Variants in TYR observed in about 807,000 individuals in gnomAD.
TYR encodes the protein LB24-AB.
TYR carries 58 observed loss-of-function variants against 51.5 expected under a neutral mutation model. The ratio of observed to expected loss-of-function variants is 1.13; its 90% CI spans 0.91 to 1.40. The LOEUF is 1.40. TYR is among the 40% of genes most tolerant of loss of function. The pLI is 0.00. For synonymous variants in TYR, 263 were observed against 235.2 expected (o/e 1.12, Z -1.08); for missense variants, 732 against 647.4 (o/e 1.13, Z -1.42).
chr11:89,221,545 T>G (rs1362212456), intron 2 of TYR, among the ~76,000 whole-genome samples: 1 of 152,200 alleles, frequency 6.6e-6, no homozygotes. Flanking sequence ...CTGTATTTCT[T>G]CTGTAAGTAG....
chr11:89,272,147 A>G (rs1185576614), intron 3 of TYR, among the ~76,000 whole-genome samples: 2 of 151,904 alleles, frequency 1.3e-5, no homozygotes, highest in Non-Finnish European at 2.9e-5. Flanking sequence ...TAAATAGTTA[A>G]TCCCTTCCAA....
intron 2 of TYR, among the ~76,000 whole-genome samples, chr11:89,215,516 T>A (rs142233771): frequency 0.012 from 1,714 of 143,922 alleles, 30 homozygotes; most frequent in African/African-American, 0.046. Context: ...ACTTAAAGTA[T>A]AATAATAGTA....
chr11:89,289,718 TGAAA>T (rs1944834949), intron 4 of TYR, among the ~76,000 whole-genome samples: 1 of 151,902 alleles, frequency 6.6e-6, no homozygotes, highest in Non-Finnish European at 1.5e-5. Context: ...GTGACAAGCT[TGAAA>T]AATAAGACAT....
At chr11:89,222,938 C>T (rs896262419) in intron 2 of TYR, among the ~76,000 whole-genome samples, 3 of 152,064 alleles carry the variant, frequency 2.0e-5, no homozygotes, top group Admixed American at 6.5e-5. Flanking sequence ...ATGAGGAATT[C>T]GTGGACAAGG....
chr11:89,289,156 T>C (rs1423343221), intron 4 of TYR, among the ~76,000 whole-genome samples: 1 of 152,052 alleles, frequency 6.6e-6, no homozygotes, highest in Non-Finnish European at 1.5e-5. Context: ...ATAAATGTAA[T>C]CTTACTTTCT....
intron 2 of TYR, among the ~76,000 whole-genome samples, chr11:89,223,063 G>C (rs1943932874): frequency 6.6e-6 from 1 of 152,182 alleles, no homozygotes; most frequent in Admixed American, 6.5e-5. Context: ...AGTCAGTACA[G>C]ACACTACCCA....
intron 2 of TYR, among the ~76,000 whole-genome samples, chr11:89,219,609 C>T (rs1290530180): frequency 6.6e-6 from 1 of 152,106 alleles, no homozygotes; most frequent in Non-Finnish European, 1.5e-5. Flanking sequence ...CTTTTAAAAG[C>T]AACCTTTAGG....
intron 3 of TYR, among the ~76,000 whole-genome samples, chr11:89,244,132 A>C (rs1163265807): frequency 6.6e-6 from 1 of 152,192 alleles, no homozygotes; most frequent in Non-Finnish European, 1.5e-5. Flanking sequence ...TGCACAGATA[A>C]ATAAGCAAAC....
chr11:89,219,023 A>T (rs1943872608), intron 2 of TYR, among the ~76,000 whole-genome samples: 1 of 152,212 alleles, frequency 6.6e-6, no homozygotes, highest in African/African-American at 2.4e-5. Context: ...AATAATCACA[A>T]TACCTACCTC....
chr11:89,233,118 C>G (rs1944072068), intron 3 of TYR, among the ~76,000 whole-genome samples: 1 of 143,828 alleles, frequency 7.0e-6, no homozygotes, highest in Non-Finnish European at 1.5e-5. Context: ...GCTGCTTTAT[C>G]AACTAGGTTT....
At chr11:89,213,253 A>C (rs181470475) in intron 2 of TYR, among the ~76,000 whole-genome samples, 47 of 152,342 alleles carry the variant, frequency 3.1e-4, no homozygotes, top group African/African-American at 1.1e-3. Context: ...AGGATACAAA[A>C]TCAATGTGCA....
chr11:89,207,266 T>C (rs972763413), intron 2 of TYR, among the ~76,000 whole-genome samples: 2 of 152,002 alleles, frequency 1.3e-5, no homozygotes, highest in Non-Finnish European at 1.5e-5. Flanking sequence ...AAATTACCAA[T>C]ATCAAGAATC....
chr11:89,200,583 T>C (rs1295522012), intron 2 of TYR: 1 of 152,100 alleles, frequency 6.6e-6, no homozygotes, highest in African/African-American at 2.4e-5. Flanking sequence ...AAAAAGATCT[T>C]GCATATTTGT....
At chr11:89,193,827 A>G (rs559781888) in intron 2 of TYR, among the ~76,000 whole-genome samples, 2 of 152,068 alleles carry the variant, frequency 1.3e-5, no homozygotes, top group South Asian at 4.1e-4. Context: ...TACAAAAAAC[A>G]TGAATATATA....
At chr11:89,245,182 A>G (rs1944248425) in intron 3 of TYR, among the ~76,000 whole-genome samples, 1 of 152,248 alleles carries the variant, frequency 6.6e-6, no homozygotes, top group Admixed American at 6.5e-5. Flanking sequence ...AGAACAAAAC[A>G]AAAAGGTGTA....
chr11:89,247,450 T>A (rs761186872), intron 3 of TYR, among the ~76,000 whole-genome samples: 53 of 152,226 alleles, frequency 3.5e-4, no homozygotes, highest in Non-Finnish European at 6.3e-4. Context: ...GATGAAGACA[T>A]CATGTACTAT....
intron 1 of TYR, among the ~76,000 whole-genome samples, chr11:89,180,634 A>C (rs1943289228): frequency 6.6e-6 from 1 of 152,164 alleles, no homozygotes; most frequent in Non-Finnish European, 1.5e-5. Flanking sequence ...TTCTATGATT[A>C]AATTGCTGTG....
chr11:89,281,058 T>G (rs1481016721), intron 3 of TYR, among the ~76,000 whole-genome samples: 1 of 151,706 alleles, frequency 6.6e-6, no homozygotes, highest in East Asian at 1.9e-4. Context: ...TTCAAAATAT[T>G]CTAATTAAAT....
intron 3 of TYR, among the ~76,000 whole-genome samples, chr11:89,242,778 T>TA (rs1035714173): frequency 1.3e-5 from 2 of 152,166 alleles, no homozygotes; most frequent in Admixed American, 6.5e-5. Flanking sequence ...TCTTCATCAC[T>TA]AAAATGGGAA....
Sources: gnomAD v4.1 joint callset for allele counts (sites outside exome capture counted in the v4.1 genomes callset) on GRCh38, gnomAD v4.1.1 for gene constraint, MANE v1.5 for transcripts, NCBI Gene and HGNC (gene_info 2026-07-23, HGNC 2026-07-21) for gene names.